The following RND1 variants were observed in gnomAD, a reference collection of about 807,000 sequenced individuals.
RND1 encodes rho-related GTP-binding protein Rho6.
Under a neutral mutation model 27.1 loss-of-function variants are expected in RND1, and 9 were observed. The observed-to-expected ratio is 0.33, with a 90% confidence interval of 0.20 to 0.58. RND1 has a LOEUF of 0.58. RND1 is among the 20% of genes least tolerant of loss of function. The pLI is 0.86. For synonymous variants in RND1, 108 were observed against 115.7 expected (o/e 0.93, Z 0.43); for missense variants, 253 against 292.2 (o/e 0.87, Z 0.98).
chr12:48,859,622 C>T (rs1938891960), intron 4 of RND1, among the ~76,000 whole-genome samples: 1 of 151,896 alleles, frequency 6.6e-6, no homozygotes, highest in South Asian at 2.1e-4. Flanking sequence ...TGTGGTGACT[C>T]ACAACTGTAA....
chr12:48,864,978 C>A lies in RND1; in HGVS notation c.121-108G>T, dbSNP rs73300186. On this transcript the variant is annotated intron_variant, in intron 1 of 4. Transcript: ENST00000309739. ...AGAGAGACAGTAAAGTCACAGGAGA[C>A]AAGAAACCAGAGGAGATGCCTGGGG... The A allele has an allele frequency of 2.6e-3, 2,280 of 860,570 alleles. 42 individuals carry two copies. In the African/African-American group the frequency reaches 0.034, roughly 13 times the overall value. The allele number at this position is 860,570 out of a possible 1,614,324, so 53.3% of individuals were successfully genotyped here. A position where few individuals can be genotyped will look rare whatever the true frequency, so the allele number is the denominator to read the frequency against.
intron 2 of RND1, among the ~76,000 whole-genome samples, chr12:48,864,160 C>A (rs916759838): frequency 6.6e-6 from 1 of 152,146 alleles, no homozygotes; most frequent in Non-Finnish European, 1.5e-5. Flanking sequence ...CCCCCAACTT[C>A]CAAAACATCG....
rs186886120 is a variant in RND1, at chr12:48,862,249, G to A, written c.209-131C>T. 193 of 595,470 alleles carry A rather than the reference G, an allele frequency of 3.2e-4. 1 individual carries two copies. In the East Asian group the frequency reaches 5.0e-3, roughly 15 times the overall value. 36.9% of individuals were successfully genotyped at this position (595,470 alleles called of 1,614,324 possible). A position where few individuals can be genotyped will look rare whatever the true frequency, so the allele number is the denominator to read the frequency against. On this transcript the variant is annotated intron_variant, in intron 2 of 4. Transcript: ENST00000309739. Reference sequence around the variant, plus strand: ...ACCCATCTCCCAGGGGGAATGTACTGCGGCTGGAAGCTTGGGACCTGACTG... The same window carrying A: ...ACCCATCTCCCAGGGGGAATGTACTACGGCTGGAAGCTTGGGACCTGACTG...
chr12:48,862,959 G>A (rs951166170), intron 2 of RND1, among the ~76,000 whole-genome samples: 2 of 151,944 alleles, frequency 1.3e-5, no homozygotes, highest in African/African-American at 4.8e-5. Flanking sequence ...AAACTGGGGG[G>A]AATCCAAGCT....
At position 48,858,382 on chromosome 12, in the gene RND1, ATCTTT is replaced by A. The variant is rs201349740; in HGVS notation, c.454-146_454-142del. 4.0e-4 allele frequency: 298 copies of A among 745,338 alleles called. No homozygotes were observed. The African/African-American group carries it at 4.3e-3, about 11-fold the overall frequency. The allele number at this position is 745,338 out of a possible 1,614,324, so 46.2% of individuals were successfully genotyped here. On this transcript the variant is annotated intron_variant, in intron 4 of 4. Transcript: ENST00000309739. ...ACCACCCTCTGCAGATTATTCGATT[ATCTTT>A]TCTTTTTTTTTTTTTTTTTTGGCAT...
At chr12:48,864,086 C>A (rs987354053) in intron 2 of RND1, among the ~76,000 whole-genome samples, 5 of 152,108 alleles carry the variant, frequency 3.3e-5, no homozygotes, top group African/African-American at 4.8e-5. Flanking sequence ...ACAGTCAGAG[C>A]CAACCTCCCC....
chr12:48,857,442 C>G lies in RND1; in HGVS notation c.*554G>C, dbSNP rs1938857610. The G allele has an allele frequency of 6.5e-6, 1 of 153,248 alleles. No individual in the cohort carries two copies. Among genetic ancestry groups the G allele is most frequent in the African/African-American group, 2.4e-5 (1 of 41,434 alleles). The allele number at this position is 153,248 out of a possible 1,614,324, so 9.5% of individuals were successfully genotyped here. A position where few individuals can be genotyped will look rare whatever the true frequency, so the allele number is the denominator to read the frequency against. ...TGTATGATGTCACCTCTCCATGAGG[C>G]ATGGGCTATGCAAAGATGAGGTTTC... On this transcript the variant is annotated 3_prime_UTR_variant, in exon 5 of 5. Transcript: ENST00000309739.
Position 48,858,228 on chromosome 12 carries a change from G to C in RND1, c.467C>G (p.Ala156Gly), listed in dbSNP as rs1440169950. ...GTAGATTTCTGCACCCAGCTGCTTTGCTATTGCACAACCCTGCAGGAGGGG... is the reference window on the plus strand; with the variant it reads ...GTAGATTTCTGCACCCAGCTGCTTTCCTATTGCACAACCCTGCAGGAGGGG... ...PISYEQGCAI[A>G]KQLGAEIYLE... Residue 156 changes from alanine to glycine, a missense_variant, in exon 5 of 5, where the codon GCA becomes GGA. Physicochemically the swap from Ala to Gly is moderately conservative, Grantham distance 60. Transcript: ENST00000309739. 1 of 1,613,918 alleles carries C rather than the reference G, an allele frequency of 6.2e-7. No homozygotes were observed. The highest frequency in any genetic ancestry group is 1.3e-5 in the African/African-American group (1 of 74,892).
rs566664311 is a variant in RND1, at chr12:48,858,662, G to A, written c.454-421C>T. ...GGTGGCTTACACCCATAATCCCAGC[G>A]CTTTGGAATTACAAAAATAAATCTC... On this transcript the variant is annotated intron_variant, in intron 4 of 4. Coordinates refer to ENST00000309739, the MANE Select transcript of RND1 (RefSeq NM_014470.4). The A allele has an allele frequency of 7.8e-5, 12 of 154,488 alleles. No homozygotes were observed. In the South Asian group the frequency reaches 2.1e-3, roughly 27 times the overall value. The allele number at this position is 154,488 out of a possible 1,614,324, so 9.6% of individuals were successfully genotyped here.
rs572923536 is a variant in RND1 at position 48,857,796 on chromosome 12, T to C, written c.*200A>G. On this transcript the variant is annotated 3_prime_UTR_variant, in exon 5 of 5. Coordinates refer to ENST00000309739, the MANE Select transcript of RND1 (RefSeq NM_014470.4). ...AAAATCTAGTGCCTGGCTTGGGGTA[T>C]GATGGTTCTCTCTCAGCGTCAGGTC... The C allele has an allele frequency of 5.7e-6, 3 of 527,164 alleles. No homozygotes were observed. The highest frequency in any genetic ancestry group is 9.5e-6 in the Non-Finnish European group (3 of 317,134). 32.7% of individuals were successfully genotyped at this position (527,164 alleles called of 1,614,324 possible).
In RND1 at chr12:48,857,447, G is replaced by T. The variant is rs1227558257; in HGVS notation, c.*549C>A. 6.5e-6 allele frequency: 1 copy of T among 153,440 alleles called. No homozygotes were observed. The highest frequency in any genetic ancestry group is 1.5e-5 in the Non-Finnish European group (1 of 68,708). The allele number at this position is 153,440 out of a possible 1,614,324, so 9.5% of individuals were successfully genotyped here. ...GATGTCACCTCTCCATGAGGCATGG[G>T]CTATGCAAAGATGAGGTTTCCTTCT... On this transcript the variant is annotated 3_prime_UTR_variant, in exon 5 of 5. Coordinates refer to ENST00000309739, the MANE Select transcript of RND1 (RefSeq NM_014470.4).
chr12:48,864,435 GTGCATGTGTGTA>G (rs1197115008), intron 2 of RND1, among the ~76,000 whole-genome samples: 4 of 151,802 alleles, frequency 2.6e-5, no homozygotes, highest in African/African-American at 9.7e-5. Flanking sequence ...GCGCGTGTGT[GTGCATGTGTGTA>G]CGCGTGCATG....
At position 48,865,818 on chromosome 12, in the gene RND1, C is replaced by G; in HGVS notation, c.-51G>C. Reference sequence around the variant, plus strand: ...CTTCGATTCAGAAGGGAGGGTTGCGCCAGGTGCGTCTCAGCACGCCAATCA... The same window carrying G: ...CTTCGATTCAGAAGGGAGGGTTGCGGCAGGTGCGTCTCAGCACGCCAATCA... On this transcript the variant is annotated 5_prime_UTR_variant, in exon 1 of 5. Transcript: ENST00000309739. 2.6e-6 allele frequency: 4 copies of G among 1,539,690 alleles called. No homozygotes were observed. The highest frequency in any genetic ancestry group is 3.5e-6 in the Non-Finnish European group (4 of 1,137,076).
At chr12:48,864,922 C>A in intron 1 of RND1, 52 bp from the exon 2 acceptor site, 1 of 1,314,564 alleles carries the variant, frequency 7.6e-7, no homozygotes, top group South Asian at 1.2e-5. Flanking sequence ...CTCAGATCCC[C>A]TGGTTAGTGC....
chr12:48,863,544 C>T (rs376934103), intron 2 of RND1, among the ~76,000 whole-genome samples: 50 of 152,094 alleles, frequency 3.3e-4, no homozygotes, highest in Admixed American at 1.1e-3. Flanking sequence ...TACATCATGC[C>T]ATCAAGCTGC....
chr12:48,864,378 G>C (rs1018897870), intron 2 of RND1, among the ~76,000 whole-genome samples: 1 of 139,822 alleles, frequency 7.2e-6, no homozygotes, highest in Non-Finnish European at 1.5e-5. Context: ...CTCTGGGGAA[G>C]TAAAAGGTGT....
chr12:48,861,915 C>A, intron 3 of RND1, 94 bp downstream of exon 3: 4 of 768,786 alleles, frequency 5.2e-6, no homozygotes, highest in Non-Finnish European at 6.9e-6. Flanking sequence ...GCTTCCATTT[C>A]TTGATGTTAT....
At chr12:48,864,418 C>CGT (rs1342056302) in intron 2 of RND1, among the ~76,000 whole-genome samples, 3 of 98,016 alleles carry the variant, frequency 3.1e-5, no homozygotes, top group East Asian at 3.1e-4. Flanking sequence ...TGTGTGTGTG[C>CGT]GCGCGCGCGC....
chr12:48,860,557 ATTT>A lies in RND1; in HGVS notation c.453+437_453+439del, dbSNP rs34655698. 1.6e-4 allele frequency among the ~76,000 whole-genome samples: 11 copies of A among 70,636 alleles called. No individual in the cohort carries two copies. In the East Asian group the frequency reaches 2.4e-3, roughly 15 times the overall value. The allele number at this position is 70,636 out of a possible 152,430, so 46.3% of individuals were successfully genotyped here. ...CAGGCACTCACCACCACACCCAGCT[ATTT>A]TTTTTTTTTTTTTTTTTTTTTTGGT... On this transcript the variant is annotated intron_variant, in intron 4 of 4. Coordinates refer to ENST00000309739, the MANE Select transcript of RND1 (RefSeq NM_014470.4).
Sources: allele counts gnomAD v4.1 joint callset (sites outside exome capture counted in the v4.1 genomes callset), GRCh38; gene constraint gnomAD v4.1.1; transcripts MANE v1.5; gene names NCBI Gene and HGNC (gene_info 2026-07-23, HGNC 2026-07-21).